The following CFAP45 variants were observed in gnomAD, a reference collection of about 807,000 sequenced individuals.
CFAP45 encodes cilia and flagella associated protein 45.
A neutral mutation model predicts 75.6 loss-of-function variants in CFAP45; 43 were observed. The observed-to-expected ratio is 0.57, with a 90% CI of 0.45 to 0.73. The LOEUF (loss-of-function observed/expected upper bound fraction) is 0.73. Ranked by LOEUF, CFAP45 falls within the 30% of genes least tolerant of loss-of-function variation. The probability of loss-of-function intolerance (pLI) is 0.00; values close to 1 mark genes in which losing one functional copy is unlikely to be tolerated. For missense variants in CFAP45, 689 were observed against 701.5 expected, an observed-to-expected ratio of 0.98 and a Z score of 0.20; for synonymous variants, 223 against 244.6, an observed-to-expected ratio of 0.91 and a Z score of 0.82.
intron 2 of CFAP45, among the ~76,000 whole-genome samples, chr1:159,891,753 C>T (rs1649835488): frequency 6.6e-6 from 1 of 152,186 alleles, no homozygotes; most frequent in Non-Finnish European, 1.5e-5. Context: ...GTGGGCACAA[C>T]TCAGTCGTGC....
Position 159,878,753 on chromosome 1 carries a change from TAAAA to T in CFAP45, c.1045-1295_1045-1292del, listed in dbSNP as rs539116292. Among the ~76,000 whole-genome samples, 111 of 32,478 alleles carry T rather than the reference TAAAA, an allele frequency of 3.4e-3. 1 individual carries two copies. Among genetic ancestry groups the T allele is most frequent in the South Asian group, 0.014 (5 of 370 alleles). 21.3% of individuals were successfully genotyped at this position (32,478 alleles called of 152,430 possible). On this transcript the variant is annotated intron_variant, in intron 8 of 11. Transcript: ENST00000368099. ...CCTAGTGACAGAGCAAGACTACATC[TAAAA>T]AAAAAAAAAAAAAAAAAAAAAAAAA...
chr1:159,876,636 C>G lies in CFAP45; in HGVS notation c.1272G>C (p.Arg424=). 6.2e-7 allele frequency: 1 copy of G among 1,614,200 alleles called. No individual in the cohort carries two copies. Among genetic ancestry groups the G allele is most frequent in the Non-Finnish European group, 8.5e-7 (1 of 1,180,030 alleles). The change falls in exon 10 of 12, where the codon CGG becomes CGC. Residue 424 remains arginine, a synonymous_variant. Transcript: ENST00000368099. The stretch of plus-strand genomic sequence containing the variant: ...GCTCCTTGAAAGCCACCTGTTCGAG[C>G]CGACTTTTTCGCAGCTCAGCCTCTG... ...METEAELRKS[R]LEQVAFKEHA...
intron 7 of CFAP45, among the ~76,000 whole-genome samples, chr1:159,881,433 C>G (rs973691202): frequency 6.6e-6 from 1 of 152,238 alleles, no homozygotes; most frequent in Non-Finnish European, 1.5e-5. Context: ...ACACCTCTTG[C>G]AAGGTGATCA....
At chr1:159,879,565 T>C (rs1191774821) in intron 8 of CFAP45, among the ~76,000 whole-genome samples, 1 of 152,234 alleles carries the variant, frequency 6.6e-6, no homozygotes, top group Non-Finnish European at 1.5e-5. Flanking sequence ...ATTGTTATTA[T>C]GTAGGAATCA....
Position 159,898,132 on chromosome 1 carries a change from T to C in CFAP45, c.3+1964A>G, listed in dbSNP as rs1649993193. On this transcript the variant is annotated intron_variant, in intron 1 of 11. Coordinates refer to ENST00000368099, the MANE Select transcript of CFAP45 (RefSeq NM_012337.3). ...GCTGGCAAATTCAGGCTTCAAACTC[T>C]TGGCCTGGTTCTACTTCCCTTTCTG... 4 of 985,316 alleles carry C rather than the reference T, an allele frequency of 4.1e-6. No homozygotes were observed. The South Asian group carries it at 1.9e-4, about 46-fold the overall frequency. 61.0% of individuals were successfully genotyped at this position (985,316 alleles called of 1,614,324 possible).
intron 8 of CFAP45, 25 bp from the exon 9 acceptor site, chr1:159,877,487 A>T: frequency 6.6e-7 from 1 of 1,524,334 alleles, no homozygotes. Flanking sequence ...GGCCTTGTAG[A>T]ATAGTTGCCA....
intron 6 of CFAP45, among the ~76,000 whole-genome samples, chr1:159,885,586 A>G (rs755942329): frequency 1.3e-5 from 2 of 152,236 alleles, no homozygotes; most frequent in Non-Finnish European, 2.9e-5. Context: ...TCTGCACAAA[A>G]TGAAGGGGAG....
At chr1:159,873,208 C>T in intron 10 of CFAP45, 40 bp from the exon 11 acceptor site, 3 of 1,580,650 alleles carry the variant, frequency 1.9e-6, no homozygotes, top group Non-Finnish European at 2.6e-6. Flanking sequence ...CTCAGCTGAG[C>T]TGGCCCAGGC....
intron 5 of CFAP45, among the ~76,000 whole-genome samples, chr1:159,887,348 T>G (rs772375789): frequency 6.6e-6 from 1 of 152,190 alleles, no homozygotes; most frequent in Non-Finnish European, 1.5e-5. Context: ...GTGAACCACA[T>G]GCAAATGAGT....
chr1:159,899,886 C>A, intron 1 of CFAP45: 1 of 578,554 alleles, frequency 1.7e-6, no homozygotes, highest in South Asian at 2.3e-5. Flanking sequence ...TCAGCGCGCT[C>A]CACATTTCCA....
chr1:159,890,041 G>T (rs1649788982), intron 3 of CFAP45, among the ~76,000 whole-genome samples: 1 of 152,200 alleles, frequency 6.6e-6, no homozygotes, highest in African/African-American at 2.4e-5. Flanking sequence ...TATGGCCTTA[G>T]AGTCTGGGAG....
intron 2 of CFAP45, among the ~76,000 whole-genome samples, chr1:159,892,289 A>G (rs56340142): frequency 0.14 from 21,733 of 152,142 alleles, 2,312 homozygotes; most frequent in African/African-American, 0.3. Flanking sequence ...GTGAAACCCT[A>G]TCTTTAAAAA....
At chr1:159,878,738 G>A (rs1221410083) in intron 8 of CFAP45, among the ~76,000 whole-genome samples, 3 of 54,726 alleles carry the variant, frequency 5.5e-5, no homozygotes, top group Admixed American at 6.1e-4. Flanking sequence ...CCTAGTGACA[G>A]AGCAAGACTA....
intron 2 of CFAP45, among the ~76,000 whole-genome samples, chr1:159,892,740 A>C (rs1395992368): frequency 1.3e-5 from 2 of 152,206 alleles, no homozygotes; most frequent in African/African-American, 4.8e-5. Flanking sequence ...CCCAAAGCTA[A>C]GTAATTGTTT....
At chr1:159,887,674 C>T (rs1363834539) in intron 5 of CFAP45, among the ~76,000 whole-genome samples, 167 bp downstream of exon 5, 1 of 152,234 alleles carries the variant, frequency 6.6e-6, no homozygotes, top group Non-Finnish European at 1.5e-5. Context: ...GGTGGCAGAG[C>T]CAGTCCTCAC....
intron 6 of CFAP45, 47 bp downstream of exon 6, chr1:159,886,464 T>C: frequency 6.6e-7 from 1 of 1,522,110 alleles, no homozygotes; most frequent in Non-Finnish European, 9.1e-7. Flanking sequence ...GACCTAAAGA[T>C]ACATGGAAAT....
intron 9 of CFAP45, 131 bp from the exon 10 acceptor site, chr1:159,876,880 C>T: frequency 1.2e-6 from 1 of 841,054 alleles, no homozygotes; most frequent in African/African-American, 1.7e-5. Context: ...TCTCTGGCAG[C>T]TAGTTATTCT....
At chr1:159,883,623 AATATATATATATAT>A (rs59275156) in intron 7 of CFAP45, among the ~76,000 whole-genome samples, 10 of 72,134 alleles carry the variant, frequency 1.4e-4, no homozygotes, top group African/African-American at 3.2e-4. Flanking sequence ...TTAACAATAA[AATATATATATATAT>A]ATATATATAT....
chr1:159,881,187 A>C (rs1183802163), intron 7 of CFAP45, among the ~76,000 whole-genome samples: 1 of 152,250 alleles, frequency 6.6e-6, no homozygotes, highest in Non-Finnish European at 1.5e-5. Context: ...AAATATGTCC[A>C]AAAATCCTAA....
Sources: gnomAD v4.1 joint callset for allele counts (sites outside exome capture counted in the v4.1 genomes callset) on GRCh38, gnomAD v4.1.1 for gene constraint, MANE v1.5 for transcripts, NCBI Gene and HGNC (gene_info 2026-07-23, HGNC 2026-07-21) for gene names.